The following MTX2 variants were observed in gnomAD, a reference collection of about 807,000 sequenced individuals.
MTX2 encodes metaxin 2, also known as metaxin-2.
Under a neutral mutation model 42.3 loss-of-function variants are expected in MTX2, and 35 were observed. The observed-to-expected ratio is 0.83, with a 90% confidence interval of 0.63 to 1.10. The LOEUF (loss-of-function observed/expected upper bound fraction) is 1.10. MTX2 is among the 50% of genes least tolerant of loss of function. The probability of loss-of-function intolerance (pLI) is 0.00; values close to 1 mark genes in which losing one functional copy is unlikely to be tolerated. For synonymous variants in MTX2, 119 were observed against 100.9 expected (o/e 1.18, Z -1.08); for missense variants, 307 against 304.1 (o/e 1.01, Z -0.07).
intron 9 of MTX2, among the ~76,000 whole-genome samples, chr2:176,335,527 T>A (rs1479574395): frequency 1.3e-5 from 2 of 152,058 alleles, no homozygotes; most frequent in African/African-American, 4.8e-5. Flanking sequence ...TAGGAGGCTA[T>A]CTCAGTGGTC....
intron 4 of MTX2, among the ~76,000 whole-genome samples, chr2:176,324,506 G>A (rs560714325): frequency 1.3e-4 from 19 of 151,588 alleles, no homozygotes; most frequent in East Asian, 1.9e-4. Flanking sequence ...GGTTTTATAC[G>A]TAGATTTTAG....
Position 176,307,719 on chromosome 2 carries a change from T to C in MTX2, c.135+9824T>C, listed in dbSNP as rs186304709. Among the ~76,000 whole-genome samples, 265 of 152,320 alleles carry C rather than the reference T, an allele frequency of 1.7e-3. 2 individuals are homozygous for C. The highest frequency in any genetic ancestry group is 5.8e-3 in the African/African-American group (241 of 41,568). On this transcript the variant is annotated intron_variant, in intron 3 of 9. Coordinates refer to ENST00000249442, the MANE Select transcript of MTX2 (RefSeq NM_006554.5). ...GCTCTGTTTGTCTGTTAATGGTGTA[T>C]AGGAATGCTTGTGATTTTTGCACAT...
intron 1 of MTX2, chr2:176,270,536 C>CA: frequency 1.7e-6 from 1 of 595,806 alleles, no homozygotes; most frequent in South Asian, 1.7e-5. Flanking sequence ...TGGAATTAGT[C>CA]ATAACTCCCT....
In MTX2 at chr2:176,296,612, A is replaced by G. The variant is rs1041192000; in HGVS notation, c.41-248A>G. 9.2e-5 allele frequency among the ~76,000 whole-genome samples: 14 copies of G among 152,216 alleles called. No homozygotes were observed. The East Asian group carries it at 2.3e-3, about 25-fold the overall frequency. On this transcript the variant is annotated intron_variant, in intron 1 of 9. Transcript: ENST00000249442. Reference sequence around the variant, plus strand: ...ATTCTCATTTTGGATTGGGCAAGGTATCTTCCCCTCTTCCCCATTAAAAAA... The same window carrying G: ...ATTCTCATTTTGGATTGGGCAAGGTGTCTTCCCCTCTTCCCCATTAAAAAA...
intron 3 of MTX2, among the ~76,000 whole-genome samples, chr2:176,310,878 G>A (rs1211728868): frequency 6.6e-6 from 1 of 152,052 alleles, no homozygotes; most frequent in African/African-American, 2.4e-5. Context: ...TGTTATTACC[G>A]ACCTTCTGAA....
At chr2:176,317,025 T>C (rs889362665) in intron 3 of MTX2, among the ~76,000 whole-genome samples, 4 of 140,422 alleles carry the variant, frequency 2.8e-5, no homozygotes, top group African/African-American at 7.7e-5. Flanking sequence ...GGATTTTGAC[T>C]AAGTGTCTTT....
intron 3 of MTX2, among the ~76,000 whole-genome samples, chr2:176,321,236 A>C (rs1684576381): frequency 6.6e-6 from 1 of 152,146 alleles, no homozygotes; most frequent in African/African-American, 2.4e-5. Context: ...ATTTTGATGC[A>C]TGCTGAAGTT....
At chr2:176,325,841 A>T (rs192048655) in intron 4 of MTX2, among the ~76,000 whole-genome samples, 1 of 151,772 alleles carries the variant, frequency 6.6e-6, no homozygotes, top group Non-Finnish European at 1.5e-5. Context: ...TATCTTCTCA[A>T]TACATCTATT....
intron 1 of MTX2, among the ~76,000 whole-genome samples, chr2:176,290,748 G>GT (rs575119364): frequency 0.2 from 26,256 of 134,324 alleles, 2,653 homozygotes; most frequent in South Asian, 0.3. Context: ...GGAATAACTA[G>GT]TTTTTTTTTT....
chr2:176,312,023 G>A (rs981594699), intron 3 of MTX2, among the ~76,000 whole-genome samples: 1 of 152,126 alleles, frequency 6.6e-6, no homozygotes, highest in Non-Finnish European at 1.5e-5. Context: ...ATTCCTGTTC[G>A]GCCCTCTTGC....
At chr2:176,328,504 T>A (rs1684775715) in intron 6 of MTX2, 119 bp downstream of exon 6, 10 of 622,872 alleles carry the variant, frequency 1.6e-5, no homozygotes, top group Non-Finnish European at 2.4e-5. Flanking sequence ...AATTCTAGAG[T>A]TGAGTTGGCT....
intron 1 of MTX2, chr2:176,270,077 A>G: frequency 3.1e-6 from 1 of 319,626 alleles, no homozygotes; most frequent in Non-Finnish European, 5.8e-6. Context: ...GACTGTCACT[A>G]ATCAGTTGTT....
intron 1 of MTX2, among the ~76,000 whole-genome samples, chr2:176,292,601 C>A (rs922094926): frequency 1.3e-5 from 2 of 152,028 alleles, no homozygotes; most frequent in Non-Finnish European, 2.9e-5. Context: ...TTTCATGATT[C>A]ATAGATTTAC....
intron 3 of MTX2, among the ~76,000 whole-genome samples, chr2:176,314,970 G>A (rs1470729663): frequency 6.6e-6 from 1 of 152,156 alleles, no homozygotes; most frequent in Non-Finnish European, 1.5e-5. Context: ...ACCTTGATAA[G>A]TATCATACCT....
Position 176,332,393 on chromosome 2 carries a change from T to C in MTX2, c.620+1733T>C, listed in dbSNP as rs550389931. On this transcript the variant is annotated intron_variant, in intron 9 of 9. Transcript: ENST00000249442. ...GAGCTGTGGCCTAAGTCAGGTATTA[T>C]ACTGCAAGTCAGAGGGTCTGAATTC... 1.3e-4 allele frequency among the ~76,000 whole-genome samples: 19 copies of C among 151,516 alleles called. No homozygotes were observed. The South Asian group carries it at 3.7e-3, about 30-fold the overall frequency.
intron 1 of MTX2, among the ~76,000 whole-genome samples, chr2:176,282,762 C>T (rs1264072917): frequency 5.4e-5 from 8 of 148,106 alleles, no homozygotes; most frequent in African/African-American, 7.4e-5. Context: ...AGAGTGCAGT[C>T]GCACGATCTC....
chr2:176,313,138 T>G (rs540244478), intron 3 of MTX2, among the ~76,000 whole-genome samples: 2 of 151,874 alleles, frequency 1.3e-5, no homozygotes, highest in Non-Finnish European at 2.9e-5. Context: ...AAATGAGTAT[T>G]TATTATTATG....
At chr2:176,286,745 C>T (rs538051157) in intron 1 of MTX2, among the ~76,000 whole-genome samples, 16 of 152,038 alleles carry the variant, frequency 1.1e-4, no homozygotes, top group African/African-American at 3.9e-4. Flanking sequence ...GATGAGGTTT[C>T]ACCATGTTGG....
intron 1 of MTX2, chr2:176,270,397 C>T: frequency 7.3e-7 from 1 of 1,363,346 alleles, no homozygotes; most frequent in Non-Finnish European, 9.8e-7. Context: ...AGTCGGTGGA[C>T]TGAACATGAC....
Sources: allele counts gnomAD v4.1 joint callset (sites outside exome capture counted in the v4.1 genomes callset), GRCh38; gene constraint gnomAD v4.1.1; transcripts MANE v1.5; gene names NCBI Gene and HGNC (gene_info 2026-07-23, HGNC 2026-07-21).